Variants in PRRC2C observed in about 807,000 individuals in gnomAD.
PRRC2C encodes protein PRRC2C.
A neutral mutation model predicts 317.2 loss-of-function variants in PRRC2C; 72 were observed. The ratio of observed to expected loss-of-function variants is 0.23; its 90% CI spans 0.19 to 0.28. The LOEUF (loss-of-function observed/expected upper bound fraction) is 0.28, where lower values mean the gene tolerates loss of function less well. PRRC2C is among the 10% of genes least tolerant of loss of function. The probability of loss-of-function intolerance (pLI) is 1.00; values close to 1 mark genes in which losing one functional copy is unlikely to be tolerated. For synonymous variants in PRRC2C, 1,296 were observed against 1,205.9 expected (o/e 1.07, Z -1.55); for missense variants, 3,074 against 3,459.7 (o/e 0.89, Z 2.80).
rs779499618 is a variant in PRRC2C, at chr1:171,541,569, G to A, written c.4103G>A (p.Arg1368Gln). The A allele has an allele frequency of 2.1e-5, 34 of 1,613,640 alleles. No individual in the cohort carries two copies. The highest frequency in any genetic ancestry group is 2.7e-5 in the Non-Finnish European group (32 of 1,179,840). The change falls in exon 16 of 35, where the codon CGA becomes CAA. Residue 1368 changes from arginine (R) to glutamine (Q), a missense_variant. This residue lies in a region of PRRC2C where 1,320 missense variants were observed against 1,395.7 expected (regional missense o/e 0.95). Transcript: ENST00000647382. This position sits in a 1 kb window ranked among gnomAD's most constrained non-coding sequence, Gnocchi z 4.1. ...GGRPSRPSTL[R>Q]RPAYRDNQWN... Reference sequence around the variant, plus strand: ...CGTCCATCACGCCCTTCCACTTTACGAAGACCAGCTTATCGGGACAATCAG... The same window carrying A: ...CGTCCATCACGCCCTTCCACTTTACAAAGACCAGCTTATCGGGACAATCAG...
At chr1:171,548,800 C>G (rs1679646657) in intron 17 of PRRC2C, among the ~76,000 whole-genome samples, 1 of 152,148 alleles carries the variant, frequency 6.6e-6, no homozygotes, top group Non-Finnish European at 1.5e-5. Flanking sequence ...ATGTGTTCAC[C>G]TATGCCATCT....
chr1:171,591,374 T>G, intron 34 of PRRC2C: 1 of 230,846 alleles, frequency 4.3e-6, no homozygotes, highest in Non-Finnish European at 5.6e-6. Flanking sequence ...GGTCCTGTGG[T>G]TTTTTTTTTT....
intron 10 of PRRC2C, among the ~76,000 whole-genome samples, chr1:171,526,961 C>T (rs1033231786): frequency 6.7e-6 from 1 of 148,202 alleles, no homozygotes; most frequent in South Asian, 2.2e-4. Flanking sequence ...GGCTCCTGCC[C>T]CCATGCCTGG....
At chr1:171,527,013 C>T (rs1477129454) in intron 10 of PRRC2C, among the ~76,000 whole-genome samples, 1 of 150,212 alleles carries the variant, frequency 6.7e-6, no homozygotes, top group Non-Finnish European at 1.5e-5. Flanking sequence ...TCGCCATGTT[C>T]GCCAGGCTGG....
At chr1:171,533,514 C>A (rs1446482121) in intron 12 of PRRC2C, among the ~76,000 whole-genome samples, 2 of 152,010 alleles carry the variant, frequency 1.3e-5, no homozygotes, top group Non-Finnish European at 1.5e-5. Flanking sequence ...CTTTTTTGTT[C>A]TTCTCCGAGT....
chr1:171,490,052 T>G (rs1430120424), intron 1 of PRRC2C, among the ~76,000 whole-genome samples: 2 of 152,126 alleles, frequency 1.3e-5, no homozygotes, highest in African/African-American at 4.8e-5. Context: ...CCTGAGTAGC[T>G]GGGATTACAG....
chr1:171,554,884 T>C (rs1438985296), intron 18 of PRRC2C, among the ~76,000 whole-genome samples: 3 of 152,202 alleles, frequency 2.0e-5, no homozygotes, highest in Non-Finnish European at 4.4e-5. Context: ...TCTCTCTGGC[T>C]GCGCTTAATA....
At chr1:171,514,514 T>G in intron 3 of PRRC2C, 22 bp from the exon 4 acceptor site, 1 of 1,505,308 alleles carries the variant, frequency 6.6e-7, no homozygotes, top group South Asian at 1.2e-5. Flanking sequence ...TCTGAAATAA[T>G]GGATTCATAT....
At chr1:171,522,394 A>T (rs1673741158) in intron 7 of PRRC2C, 135 bp downstream of exon 7, 1 of 470,104 alleles carries the variant, frequency 2.1e-6, no homozygotes, top group Admixed American at 3.7e-5. Context: ...GTCATTAGTA[A>T]ATAATTGGCT....
In PRRC2C at chr1:171,546,420, A is replaced by G. The variant is rs192721807; in HGVS notation, c.4972+733A>G. 3.5e-4 allele frequency among the ~76,000 whole-genome samples: 53 copies of G among 152,352 alleles called. No homozygotes were observed. The East Asian group carries it at 5.0e-3, about 14-fold the overall frequency. ...AAGTTGGGTTAGTTGCAGTTATTCT[A>G]GTATAAGAGATATAGATGAGGTTTT... On this transcript the variant is annotated intron_variant, in intron 17 of 34. Transcript: ENST00000647382.
At chr1:171,544,164 C>T (rs940038508) in intron 16 of PRRC2C, among the ~76,000 whole-genome samples, 1 of 151,954 alleles carries the variant, frequency 6.6e-6, no homozygotes, top group African/African-American at 2.4e-5. Context: ...ACTCTGTCAC[C>T]CAGGCTGGAG....
rs542365237 is a variant in PRRC2C, at chr1:171,541,215, G to A, written c.3749G>A (p.Ser1250Asn). Residue 1250 changes from serine (S) to asparagine (N), a missense_variant, in exon 16 of 35, where the codon AGC (serine) becomes AAC (asparagine). This residue lies in a region of PRRC2C where 1,320 missense variants were observed against 1,395.7 expected (regional missense o/e 0.95). Transcript: ENST00000647382. The surrounding 1 kb of genome is among the most constrained non-coding windows in gnomAD (Gnocchi z 4.1). ...QREESETRSE[S>N]SDFEVVPKRR... The stretch of plus-strand genomic sequence containing the variant: ...GAAGAAAGTGAAACACGGAGTGAGA[G>A]CTCTGATTTTGAAGTTGTCCCCAAA... 6 of 1,613,522 alleles carry A rather than the reference G, an allele frequency of 3.7e-6. No individual in the cohort carries two copies. The highest frequency in any genetic ancestry group is 3.3e-5 in the South Asian group (3 of 90,986).
In PRRC2C at chr1:171,557,743, G is replaced by A. The variant is rs756761108; in HGVS notation, c.5631G>A (p.Thr1877=). 2.4e-5 allele frequency: 37 copies of A among 1,550,510 alleles called. No homozygotes were observed. The highest frequency in any genetic ancestry group is 1.7e-4 in the South Asian group (14 of 84,014). Residue 1877 remains threonine (T), a synonymous_variant, in exon 19 of 35, where the codon ACG becomes ACA. Transcript: ENST00000647382. The part of the protein sequence containing the change: ...ASALASTSAP[T]PAPAASSPAA... ...CCCTAGCATCAACTTCAGCTCCAAC[G>A]CCAGCCCCAGCAGCCTCTTCCCCAG...
chr1:171,536,045 A>G lies in PRRC2C; in HGVS notation c.2060A>G (p.Gln687Arg). 1 of 1,551,984 alleles carries G rather than the reference A, an allele frequency of 6.4e-7. No homozygotes were observed. Among genetic ancestry groups the G allele is most frequent in the Non-Finnish European group, 8.7e-7 (1 of 1,147,098 alleles). ...CTTTTTCAGGAACAGATGAAACAGCAGCAGTGGCAGCAGCAGCAACAGCAA... is the reference window on the plus strand; with the variant it reads ...CTTTTTCAGGAACAGATGAAACAGCGGCAGTGGCAGCAGCAGCAACAGCAA... Reference protein sequence around the residue: ...FQRQQEQMKQQQWQQQQQQGV... With the variant: ...FQRQQEQMKQRQWQQQQQQGV... Residue 687 changes from glutamine (Q) to arginine (R), a missense_variant, in exon 14 of 35, where the codon CAG becomes CGG. Physicochemically the swap from Gln to Arg is conservative, Grantham distance 43. Coordinates refer to ENST00000647382, the MANE Select transcript of PRRC2C (RefSeq NM_001387844.1).
chr1:171,535,455 A>T lies in PRRC2C; in HGVS notation c.1901A>T (p.Asp634Val). ...GAGGAACCCGTTTTCACTAGACAAG[A>T]CAGCAATCGCAGTGAAAAGGAAGCC... ...KEEEPVFTRQ[D>V]SNRSEKEATP... Residue 634 changes from aspartate to valine, a missense_variant, in exon 13 of 35, where the codon GAC becomes GTC. By Grantham distance (152) the Asp-to-Val change is radical. Transcript: ENST00000647382. 1 of 1,613,924 alleles carries T rather than the reference A, an allele frequency of 6.2e-7. No individual in the cohort carries two copies. Among genetic ancestry groups the T allele is most frequent in the South Asian group, 1.1e-5 (1 of 91,068 alleles).
intron 1 of PRRC2C, among the ~76,000 whole-genome samples, chr1:171,503,654 G>A (rs1669603529): frequency 6.6e-6 from 1 of 152,102 alleles, no homozygotes; most frequent in African/African-American, 2.4e-5. Context: ...TGGATGTGTG[G>A]AGGTATTTTA....
chr1:171,547,787 G>A (rs555368831), intron 17 of PRRC2C, among the ~76,000 whole-genome samples: 1 of 151,892 alleles, frequency 6.6e-6, no homozygotes, highest in East Asian at 1.9e-4. Context: ...AGGATTACAG[G>A]CACATGCCAC....
chr1:171,499,674 G>A (rs1156336994), intron 1 of PRRC2C, among the ~76,000 whole-genome samples: 1 of 152,054 alleles, frequency 6.6e-6, no homozygotes, highest in Non-Finnish European at 1.5e-5. Context: ...CATGGTGGCA[G>A]ACACCTGTAA....
At chr1:171,502,757 C>T (rs1254216099) in intron 1 of PRRC2C, among the ~76,000 whole-genome samples, 2 of 152,136 alleles carry the variant, frequency 1.3e-5, no homozygotes, top group East Asian at 3.9e-4. Flanking sequence ...TGGAGTTTTG[C>T]TCCGTACACA....
Sources: allele counts gnomAD v4.1 joint callset (sites outside exome capture counted in the v4.1 genomes callset), GRCh38; gene constraint gnomAD v4.1.1; regional missense constraint gnomAD v4.1.1; non-coding constraint Gnocchi (gnomAD v3.1); transcripts MANE v1.5; gene names NCBI Gene and HGNC (gene_info 2026-07-23, HGNC 2026-07-21).